MCUB: variants seen among roughly 807,000 people sequenced by gnomAD.
MCUB encodes mitochondrial calcium uniporter dominant negative subunit beta.
MCUB carries 46 observed loss-of-function variants against 41.4 expected under a neutral mutation model. The ratio of observed to expected loss-of-function variants is 1.11; its 90% CI spans 0.88 to 1.42. The LOEUF (loss-of-function observed/expected upper bound fraction) is 1.42, where lower values mean the gene tolerates loss of function less well. Among genes scored for constraint, MCUB ranks in the 40% most tolerant of loss-of-function variants. The probability of loss-of-function intolerance (pLI) is 0.00; values close to 1 mark genes in which losing one functional copy is unlikely to be tolerated. For synonymous variants in MCUB, 148 were observed against 148.2 expected (o/e 1.00, Z 0.01); for missense variants, 403 against 404.9 (o/e 1.00, Z 0.04).
intron 1 of MCUB, among the ~76,000 whole-genome samples, chr4:109,633,983 A>G (rs999591044): frequency 2.0e-5 from 3 of 147,314 alleles, no homozygotes; most frequent in African/African-American, 7.5e-5. Flanking sequence ...CTTTCATTGT[A>G]TTATTCCTGT....
At chr4:109,658,597 C>T (rs865973065) in intron 1 of MCUB, among the ~76,000 whole-genome samples, 1 of 151,956 alleles carries the variant, frequency 6.6e-6, no homozygotes, top group Non-Finnish European at 1.5e-5. Context: ...ATGCCCGGCC[C>T]GATTCTGCAT....
chr4:109,685,907 A>G (rs899644046), intron 7 of MCUB, among the ~76,000 whole-genome samples: 3 of 152,092 alleles, frequency 2.0e-5, no homozygotes, highest in Admixed American at 6.5e-5. Context: ...TGGCCTCCCA[A>G]TTTACTCATT....
intron 4 of MCUB, among the ~76,000 whole-genome samples, chr4:109,678,024 C>G (rs189283123): frequency 1.1e-4 from 16 of 151,754 alleles, no homozygotes; most frequent in Admixed American, 6.6e-4. Flanking sequence ...TGACTCTTAA[C>G]GAGTATGCTG....
rs1399628816 is a variant in MCUB, at chr4:109,681,409, C to A, written c.452-1173C>A. ...GAAAAGGGTCTAAAGTTGTCTCTGG[C>A]GATCTACCTTTGTTCTTTCTGGTAG... On this transcript the variant is annotated intron_variant, in intron 4 of 7. Coordinates refer to ENST00000394650, the MANE Select transcript of MCUB (RefSeq NM_017918.5). The A allele has an allele frequency of 1.3e-4, 59 of 444,986 alleles. No homozygotes were observed. In the Admixed American group the frequency reaches 1.4e-3, roughly 11 times the overall value. The allele number at this position is 444,986 out of a possible 1,614,324, so 27.6% of individuals were successfully genotyped here.
chr4:109,666,555 G>A (rs1359944614), intron 4 of MCUB, among the ~76,000 whole-genome samples: 5 of 151,414 alleles, frequency 3.3e-5, no homozygotes, highest in Non-Finnish European at 5.9e-5. Flanking sequence ...ATGATGATGA[G>A]CATCTCTTCA....
rs781524946 is a variant in MCUB, at chr4:109,664,390, GA to G, written c.448del (p.Arg150GlufsTer15). On this transcript the variant is annotated frameshift_variant, in exon 4 of 8. Transcript: ENST00000394650. LOFTEE classifies it high-confidence loss of function. ...KIAYDVQCPK[R>X]EKPSNEHTAE... ...TAGCATATGATGTGCAGTGTCCAAA[GA>G]GAGGTAAGAAACACAGCTATCCAAC... The G allele has an allele frequency of 8.6e-6, 11 of 1,282,796 alleles. No homozygotes were observed. Among genetic ancestry groups the G allele is most frequent in the Non-Finnish European group, 1.2e-5 (11 of 886,150 alleles). The allele number at this position is 1,282,796 out of a possible 1,614,324, so 79.5% of individuals were successfully genotyped here. A position where few individuals can be genotyped will look rare whatever the true frequency, so the allele number is the denominator to read the frequency against.
chr4:109,670,584 C>T (rs4698777), intron 4 of MCUB, among the ~76,000 whole-genome samples: 91,589 of 151,482 alleles, frequency 0.6, 28,043 homozygotes, highest in South Asian at 0.68. Flanking sequence ...GGCATGGGGG[C>T]AGGTGCCTGT....
chr4:109,673,320 A>G (rs140290245), intron 4 of MCUB, among the ~76,000 whole-genome samples: 71 of 152,156 alleles, frequency 4.7e-4, no homozygotes, highest in African/African-American at 1.7e-3. Context: ...AAACCACCAC[A>G]TGGACCATAA....
chr4:109,592,003 C>T (rs367631999), intron 1 of MCUB, among the ~76,000 whole-genome samples: 2 of 152,214 alleles, frequency 1.3e-5, no homozygotes, highest in East Asian at 1.9e-4. Context: ...CCCAGCCTCT[C>T]GAGTATTTTC....
intron 1 of MCUB, among the ~76,000 whole-genome samples, chr4:109,626,257 C>A (rs374096693): frequency 3.3e-5 from 5 of 151,954 alleles, no homozygotes; most frequent in Admixed American, 2.0e-4. Context: ...ATTTTTCTGG[C>A]AGAGAAAATT....
chr4:109,620,066 A>G (rs1019330711), intron 1 of MCUB, among the ~76,000 whole-genome samples: 2 of 152,128 alleles, frequency 1.3e-5, no homozygotes, highest in Non-Finnish European at 2.9e-5. Flanking sequence ...TGAGGCCTCT[A>G]GGCATCAGCC....
intron 1 of MCUB, among the ~76,000 whole-genome samples, chr4:109,651,857 C>T (rs1439789613): frequency 6.6e-6 from 1 of 152,188 alleles, no homozygotes; most frequent in African/African-American, 2.4e-5. Context: ...TTTCTTACCC[C>T]AACTGGGCTC....
chr4:109,665,242 ATCTT>A (rs1335963516), intron 4 of MCUB, among the ~76,000 whole-genome samples: 1 of 152,174 alleles, frequency 6.6e-6, no homozygotes, highest in African/African-American at 2.4e-5. Context: ...GTTTTTATTA[ATCTT>A]TCTTAAATGT....
At chr4:109,583,775 G>C (rs369422827) in intron 1 of MCUB, among the ~76,000 whole-genome samples, 6 of 152,116 alleles carry the variant, frequency 3.9e-5, no homozygotes, top group African/African-American at 1.4e-4. Flanking sequence ...AGCATGAAAG[G>C]GTGTTGGATT....
At position 109,633,114 on chromosome 4, in the gene MCUB, A is replaced by G. The variant is rs1353043944; in HGVS notation, c.100-25897A>G. Among the ~76,000 whole-genome samples the G allele has an allele frequency of 9.9e-5, 15 of 152,188 alleles. 1 individual carries two copies. Among genetic ancestry groups the G allele is most frequent in the Admixed American group, 9.8e-4 (15 of 15,274 alleles). On this transcript the variant is annotated intron_variant, in intron 1 of 7. Transcript: ENST00000394650. ...TACATACATTGTATTATAGGAAGGG[A>G]TCCAAAATGAAATGTATGACTATAA...
intron 1 of MCUB, among the ~76,000 whole-genome samples, chr4:109,619,406 CTCT>C (rs1217861874): frequency 6.6e-6 from 1 of 152,028 alleles, no homozygotes; most frequent in African/African-American, 2.4e-5. Flanking sequence ...TGATGTGTTG[CTCT>C]TCTTGAAAGT....
At chr4:109,622,142 A>T (rs1483884077) in intron 1 of MCUB, among the ~76,000 whole-genome samples, 1 of 152,202 alleles carries the variant, frequency 6.6e-6, no homozygotes, top group South Asian at 2.1e-4. Context: ...TTGGCCTCCC[A>T]AAGTGCTGGG....
At chr4:109,641,266 TA>T (rs1180672729) in intron 1 of MCUB, among the ~76,000 whole-genome samples, 11 of 90,776 alleles carry the variant, frequency 1.2e-4, no homozygotes, top group Non-Finnish European at 1.2e-4. Flanking sequence ...CTACTTTTTG[TA>T]TTTTTTTTTT....
At chr4:109,673,997 G>A in intron 4 of MCUB, 13 of 1,053,110 alleles carry the variant, frequency 1.2e-5, no homozygotes, top group Non-Finnish European at 1.9e-5. Flanking sequence ...AAGAGCAGGG[G>A]AAATACTAAA....
Sources: allele counts gnomAD v4.1 joint callset (sites outside exome capture counted in the v4.1 genomes callset), GRCh38; gene constraint gnomAD v4.1.1; transcripts MANE v1.5; gene names NCBI Gene and HGNC (gene_info 2026-07-23, HGNC 2026-07-21).